Variants in NXPE2 observed in about 807,000 individuals in gnomAD.
NXPE2 encodes the protein neurexophilin and PC-esterase domain family member 2, also known as NXPE family member 2.
A neutral mutation model predicts 34.4 loss-of-function variants in NXPE2; 34 were observed. The ratio of observed to expected loss-of-function variants is 0.99; its 90% CI spans 0.75 to 1.31. NXPE2 has a LOEUF of 1.31. Ranked by LOEUF, NXPE2 falls within the 40% of genes most tolerant of loss-of-function variation. NXPE2 has a pLI of 0.00. For missense variants in NXPE2, 649 were observed against 672.5 expected, an observed-to-expected ratio of 0.97 and a Z score of 0.39; for synonymous variants, 235 against 231.3, an observed-to-expected ratio of 1.02 and a Z score of -0.15.
chr11:114,582,877 G>A, the NXPE2 span: 4 of 1,614,170 alleles, frequency 2.5e-6, no homozygotes, highest in Non-Finnish European at 3.4e-6. Flanking sequence ...GGGATCTGCT[G>A]ATCTAGTTTC....
At chr11:114,810,826 T>A in the NXPE2 span, among the ~76,000 whole-genome samples, 1 of 152,086 alleles carries the variant, frequency 6.6e-6, no homozygotes, top group Non-Finnish European at 1.5e-5. Flanking sequence ...GACCCAGCCA[T>A]CCCATTACTG....
intron 2 of NXPE2, among the ~76,000 whole-genome samples, chr11:114,691,925 A>C (rs1951160465): frequency 6.6e-6 from 1 of 152,332 alleles, no homozygotes; most frequent in Non-Finnish European, 1.5e-5. Context: ...TGACACCCAC[A>C]GACTAGTTCC....
chr11:114,588,780 G>A, the NXPE2 span, among the ~76,000 whole-genome samples: 1 of 152,126 alleles, frequency 6.6e-6, no homozygotes, highest in Non-Finnish European at 1.5e-5. Context: ...CAGCCTTTAT[G>A]GAAAGGCTGA....
the NXPE2 span, among the ~76,000 whole-genome samples, chr11:114,756,553 A>C: frequency 6.6e-6 from 1 of 152,098 alleles, no homozygotes; most frequent in Non-Finnish European, 1.5e-5. Flanking sequence ...AATGGCCAAT[A>C]ATTTTTCTCC....
chr11:114,491,025 G>A, the NXPE2 span, among the ~76,000 whole-genome samples: 563 of 149,472 alleles, frequency 3.8e-3, 2 homozygotes, highest in African/African-American at 0.012. Context: ...AGCCGGGCGC[G>A]GTGGCGGGCG....
At chr11:114,604,879 C>T in the NXPE2 span, among the ~76,000 whole-genome samples, 1,557 of 152,052 alleles carry the variant, frequency 0.01, 26 homozygotes, top group African/African-American at 0.035. Flanking sequence ...TAATTGTTGC[C>T]TCACGGGTAA....
the NXPE2 span, among the ~76,000 whole-genome samples, chr11:114,745,073 T>C: frequency 2.0e-5 from 3 of 152,110 alleles, no homozygotes; most frequent in Non-Finnish European, 4.4e-5. Context: ...ACAAGAATAA[T>C]AAAAACATTA....
the NXPE2 span, among the ~76,000 whole-genome samples, chr11:114,477,536 CA>C: frequency 1.3e-5 from 2 of 151,442 alleles, no homozygotes; most frequent in Admixed American, 6.6e-5. Context: ...ACACCCTCCA[CA>C]AAAAAAGGAA....
chr11:114,618,021 TAA>T, the NXPE2 span, among the ~76,000 whole-genome samples: 4 of 151,982 alleles, frequency 2.6e-5, no homozygotes, highest in South Asian at 4.1e-4. Flanking sequence ...CGCTGGATAA[TAA>T]GTGTTGCCTC....
At chr11:114,742,825 A>G in the NXPE2 span, among the ~76,000 whole-genome samples, 1 of 152,162 alleles carries the variant, frequency 6.6e-6, no homozygotes, top group East Asian at 1.9e-4. Flanking sequence ...GGTCCCAAGC[A>G]TAGCTCTGGG....
chr11:114,672,414 A>G, the NXPE2 span, among the ~76,000 whole-genome samples: 1 of 151,936 alleles, frequency 6.6e-6, no homozygotes, highest in Non-Finnish European at 1.5e-5. Context: ...TAAAGGAAGA[A>G]CAGAGAAAAA....
the NXPE2 span, among the ~76,000 whole-genome samples, chr11:114,610,737 G>A: frequency 6.7e-6 from 1 of 150,262 alleles, no homozygotes; most frequent in African/African-American, 2.4e-5. Flanking sequence ...AACCACTGTT[G>A]CCCTTTGGAT....
the NXPE2 span, among the ~76,000 whole-genome samples, chr11:114,639,746 T>A: frequency 1.2e-4 from 15 of 128,990 alleles, no homozygotes; most frequent in Admixed American, 9.1e-4. Context: ...AAATAATATA[T>A]AATATATATT....
At chr11:114,560,262 T>C in the NXPE2 span, among the ~76,000 whole-genome samples, 1 of 132,610 alleles carries the variant, frequency 7.5e-6, no homozygotes, top group Admixed American at 7.4e-5. Flanking sequence ...GATTGAGAAT[T>C]CTTTTTTTTT....
chr11:114,643,473 A>G, the NXPE2 span, among the ~76,000 whole-genome samples: 189 of 152,168 alleles, frequency 1.2e-3, 1 homozygote, highest in African/African-American at 4.3e-3. Flanking sequence ...TTTTCTGTAT[A>G]TGGCTAGGCA....
At chr11:114,594,176 G>A in the NXPE2 span, among the ~76,000 whole-genome samples, 1 of 152,012 alleles carries the variant, frequency 6.6e-6, no homozygotes, top group African/African-American at 2.4e-5. Flanking sequence ...AGCTAAAAGA[G>A]TATAATTGTC....
At chr11:114,670,421 G>T in the NXPE2 span, among the ~76,000 whole-genome samples, 1 of 152,006 alleles carries the variant, frequency 6.6e-6, no homozygotes, top group African/African-American at 2.4e-5. Flanking sequence ...CAGGCCAAGC[G>T]CAGTGGCTCA....
chr11:114,583,231 A>G, the NXPE2 span: 1 of 697,034 alleles, frequency 1.4e-6, no homozygotes, highest in Non-Finnish European at 2.4e-6. Flanking sequence ...CAGGAGAGAC[A>G]GAGGGACAGG....
the NXPE2 span, among the ~76,000 whole-genome samples, chr11:114,480,703 T>C: frequency 1.3e-5 from 2 of 152,204 alleles, no homozygotes; most frequent in Admixed American, 1.3e-4. Flanking sequence ...ACAGCGACCG[T>C]TGGTTAAAGT....
Sources: allele counts gnomAD v4.1 joint callset (sites outside exome capture counted in the v4.1 genomes callset), GRCh38; gene constraint gnomAD v4.1.1; transcripts MANE v1.5; gene names NCBI Gene and HGNC (gene_info 2026-07-23, HGNC 2026-07-21).